The following PTPRN2 variants were observed in gnomAD, a reference collection of about 807,000 sequenced individuals.
PTPRN2 encodes the protein protein tyrosine phosphatase receptor type N2, also known as receptor-type tyrosine-protein phosphatase N2.
A neutral mutation model predicts 118.8 loss-of-function variants in PTPRN2; 74 were observed. The observed-to-expected ratio is 0.62, with a 90% CI of 0.52 to 0.76. The LOEUF is 0.76. PTPRN2 is among the 30% of genes least tolerant of loss of function. PTPRN2 has a pLI of 0.00. For synonymous variants in PTPRN2, 641 were observed against 608.0 expected (o/e 1.05, Z -0.80); for missense variants, 1,481 against 1,394.4 (o/e 1.06, Z -0.99).
chr7:157,559,366 C>T (rs1195848693), intron 21 of PTPRN2, among the ~76,000 whole-genome samples: 1 of 152,162 alleles, frequency 6.6e-6, no homozygotes, highest in East Asian at 1.9e-4. Context: ...ACAGGGAGAC[C>T]CCTGCAGCCC....
intron 2 of PTPRN2, among the ~76,000 whole-genome samples, chr7:158,394,594 CTCG>C (rs1563238689): frequency 1.3e-5 from 2 of 152,254 alleles, no homozygotes; most frequent in African/African-American, 4.8e-5. Context: ...GTACTGGCTG[CTCG>C]TCCATCCCCC....
intron 1 of PTPRN2, among the ~76,000 whole-genome samples, chr7:158,501,880 G>T (rs1347781316): frequency 6.6e-6 from 1 of 152,204 alleles, no homozygotes; most frequent in South Asian, 2.1e-4. Context: ...TGAGCCACCA[G>T]CACCGCGCCC....
chr7:157,671,767 C>T lies in PTPRN2; in HGVS notation c.2001+10958G>A, dbSNP rs375601323. Reference sequence around the variant, plus strand: ...TTCTACCTAAAACTGATCTGAGTGACACCTGAACTGCACAAGGCCTGAAGG... The same window carrying T: ...TTCTACCTAAAACTGATCTGAGTGATACCTGAACTGCACAAGGCCTGAAGG... On this transcript the variant is annotated intron_variant, in intron 13 of 22. Coordinates refer to ENST00000389418, the MANE Select transcript of PTPRN2 (RefSeq NM_002847.5). This position sits in a 1 kb window ranked among gnomAD's most constrained non-coding sequence, Gnocchi z 4.1. Among the ~76,000 whole-genome samples, 63 of 152,224 alleles carry T rather than the reference C, an allele frequency of 4.1e-4. No homozygotes were observed. The highest frequency in any genetic ancestry group is 1.5e-3 in the African/African-American group (61 of 41,534).
At chr7:158,576,109 C>T (rs1312522750) in intron 1 of PTPRN2, among the ~76,000 whole-genome samples, 3 of 152,048 alleles carry the variant, frequency 2.0e-5, no homozygotes, top group African/African-American at 7.2e-5. Context: ...CTGCCTCTTA[C>T]CCCAAATAAG....
chr7:158,169,556 C>A (rs989928990), intron 5 of PTPRN2, among the ~76,000 whole-genome samples: 1 of 151,688 alleles, frequency 6.6e-6, no homozygotes, highest in Non-Finnish European at 1.5e-5. Context: ...GCTGGGATTA[C>A]AGGCGTGAGC....
intron 1 of PTPRN2, among the ~76,000 whole-genome samples, chr7:158,502,340 C>T (rs937179688): frequency 1.3e-5 from 2 of 152,232 alleles, no homozygotes; most frequent in African/African-American, 4.8e-5. Flanking sequence ...ACTTAGCCAA[C>T]TCTTGATTTA....
chr7:158,388,774 G>A lies in PTPRN2; in HGVS notation c.164-71842C>T, dbSNP rs1383806888. On this transcript the variant is annotated intron_variant, in intron 2 of 22. Transcript: ENST00000389418. ...ACCAGCCCCACCCTGAAGCCAGCCA[G>A]GGCTCCCAGCCACCTCTCAGCACAC... Among the ~76,000 whole-genome samples the A allele has an allele frequency of 3.9e-5, 6 of 152,158 alleles. No individual in the cohort carries two copies. The East Asian group carries it at 1.2e-3, about 29-fold the overall frequency.
intron 12 of PTPRN2, among the ~76,000 whole-genome samples, chr7:157,706,541 A>C (rs1343618094): frequency 6.6e-6 from 1 of 150,588 alleles, no homozygotes; most frequent in East Asian, 2.0e-4. Context: ...AGCGAATCTG[A>C]CCCAGGTGCC....
intron 2 of PTPRN2, among the ~76,000 whole-genome samples, chr7:158,455,732 C>T (rs1359113828): frequency 2.7e-5 from 4 of 149,096 alleles, no homozygotes; most frequent in Admixed American, 6.6e-5. Flanking sequence ...CGGCCATGGC[C>T]ACCCATCGCT....
intron 2 of PTPRN2, among the ~76,000 whole-genome samples, chr7:158,320,903 G>A (rs1172011157): frequency 6.6e-6 from 1 of 152,102 alleles, no homozygotes; most frequent in Non-Finnish European, 1.5e-5. Flanking sequence ...GCCTAGCAGT[G>A]AAATAGAAAA....
At chr7:157,760,181 C>T (rs1182982534) in intron 12 of PTPRN2, among the ~76,000 whole-genome samples, 3 of 152,174 alleles carry the variant, frequency 2.0e-5, no homozygotes, top group South Asian at 2.1e-4. Context: ...ACATCCCCCA[C>T]GTGGTGATCA....
intron 1 of PTPRN2, among the ~76,000 whole-genome samples, chr7:158,519,473 A>C (rs1823824506): frequency 6.6e-6 from 1 of 152,170 alleles, no homozygotes; most frequent in Non-Finnish European, 1.5e-5. Flanking sequence ...GGTGGCTCTC[A>C]GGGCATGGGG....
At chr7:157,612,240 T>G (rs1423354377) in intron 15 of PTPRN2, among the ~76,000 whole-genome samples, 1 of 152,140 alleles carries the variant, frequency 6.6e-6, no homozygotes, top group Non-Finnish European at 1.5e-5. Context: ...CGTGGCTGTG[T>G]GCGCTGGTGG....
chr7:157,604,927 G>A (rs1180621775), intron 15 of PTPRN2, among the ~76,000 whole-genome samples: 2 of 152,246 alleles, frequency 1.3e-5, no homozygotes, highest in Non-Finnish European at 2.9e-5. Context: ...TCACAGAGGA[G>A]TGGAAGCCGC....
chr7:158,134,013 C>A lies in PTPRN2; in HGVS notation c.1220G>T (p.Gly407Val). 1 of 1,613,956 alleles carries A rather than the reference C, an allele frequency of 6.2e-7. No individual in the cohort carries two copies. Among genetic ancestry groups the A allele is most frequent in the Non-Finnish European group, 8.5e-7 (1 of 1,180,024 alleles). ...ATLGGLLQDH[G>V]SRLLPGALPF... ...GAGGGCTCCAGGTAAGAGTCGAGAC[C>A]CGTGGTCCTGCAGGAGGCCCCCGAG... Residue 407 changes from glycine (G) to valine (V), a missense_variant, in exon 9 of 23, where the codon GGG becomes GTG. Gly to Val is a moderately radical substitution (Grantham distance 109). Transcript: ENST00000389418.
At chr7:158,407,682 GGGT>G (rs1187824352) in intron 2 of PTPRN2, among the ~76,000 whole-genome samples, 1,963 of 142,798 alleles carry the variant, frequency 0.014, 227 homozygotes, top group Middle Eastern at 0.022. Context: ...CCTGGGTCCT[GGGT>G]CCTGGGTCCT....
chr7:157,859,921 C>CTG, intron 12 of PTPRN2, among the ~76,000 whole-genome samples: 1 of 136,428 alleles, frequency 7.3e-6, no homozygotes, highest in Non-Finnish European at 1.6e-5. Context: ...CTCCCAGCCA[C>CTG]CACCCACACT....
chr7:158,351,205 C>T (rs991678516), intron 2 of PTPRN2, among the ~76,000 whole-genome samples: 1 of 152,182 alleles, frequency 6.6e-6, no homozygotes, highest in South Asian at 2.1e-4. Context: ...CGTGCTACCA[C>T]CTCCACCCAC....
intron 1 of PTPRN2, among the ~76,000 whole-genome samples, chr7:158,534,162 A>C (rs11765683): frequency 5.0e-4 from 13 of 26,188 alleles, no homozygotes; most frequent in Non-Finnish European, 6.3e-4. Flanking sequence ...GACCACCCAC[A>C]CCCCGGGCTC....
Sources: allele counts gnomAD v4.1 joint callset (sites outside exome capture counted in the v4.1 genomes callset), GRCh38; gene constraint gnomAD v4.1.1; non-coding constraint Gnocchi (gnomAD v3.1); transcripts MANE v1.5; gene names NCBI Gene and HGNC (gene_info 2026-07-23, HGNC 2026-07-21).